The following TF variants were observed in gnomAD, a reference collection of about 807,000 sequenced individuals.
The protein encoded by TF is transferrin.
TF carries 55 observed loss-of-function variants against 82.4 expected under a neutral mutation model. The ratio of observed to expected loss-of-function variants is 0.67; its 90% confidence interval spans 0.54 to 0.84. The LOEUF is 0.84. Ranked by LOEUF, TF falls within the 40% of genes least tolerant of loss-of-function variation. The pLI is 0.00. For synonymous variants in TF, 332 were observed against 332.6 expected, an observed-to-expected ratio of 1.00 and a Z score of 0.02; for missense variants, 737 against 868.4, an observed-to-expected ratio of 0.85 and a Z score of 1.90.
At chr3:133,702,819 A>G in the TF span, among the ~76,000 whole-genome samples, 1 of 152,168 alleles carries the variant, frequency 6.6e-6, no homozygotes, top group Non-Finnish European at 1.5e-5. Context: ...GAAGACCCTC[A>G]TCTTGGTAAA....
chr3:133,715,874 G>T, the TF span, among the ~76,000 whole-genome samples: 1 of 152,148 alleles, frequency 6.6e-6, no homozygotes, highest in Admixed American at 6.5e-5. Flanking sequence ...TTGCTAAATC[G>T]AAAGGCCAGT....
In TF at chr3:133,777,315, G is replaced by C. The variant is rs376023830; in HGVS notation, c.2062+77G>C. ...GCTGGGATGGTGGGTGGGTACAGGA[G>C]GGGTAGGCTGTGGCCCTTGGGATAG... On this transcript the variant is annotated intron_variant, in intron 16 of 16. Transcript: ENST00000402696. 8.9e-6 allele frequency: 13 copies of C among 1,458,116 alleles called. No homozygotes were observed. In the African/African-American group the frequency reaches 1.5e-4, roughly 17 times the overall value. The allele number at this position is 1,458,116 out of a possible 1,614,324, so 90.3% of individuals were successfully genotyped here. A position where few individuals can be genotyped will look rare whatever the true frequency, so the allele number is the denominator to read the frequency against.
the TF span, among the ~76,000 whole-genome samples, chr3:133,719,853 CT>C: frequency 1.3e-5 from 2 of 151,920 alleles, no homozygotes; most frequent in African/African-American, 4.8e-5. Flanking sequence ...TCCTAGTTAT[CT>C]TTTTTGGTAG....
chr3:133,729,167 G>T, the TF span, among the ~76,000 whole-genome samples: 1 of 152,210 alleles, frequency 6.6e-6, no homozygotes, highest in Non-Finnish European at 1.5e-5. Flanking sequence ...CGTGCTGGGA[G>T]AACCACTGCT....
the TF span, among the ~76,000 whole-genome samples, chr3:133,729,782 T>C: frequency 6.6e-6 from 1 of 152,160 alleles, no homozygotes; most frequent in Non-Finnish European, 1.5e-5. Flanking sequence ...ACTGGAGCTG[T>C]TCCTATTCGG....
At chr3:133,756,584 A>C (rs1933840205) in intron 6 of TF, among the ~76,000 whole-genome samples, 1 of 152,008 alleles carries the variant, frequency 6.6e-6, no homozygotes, top group Non-Finnish European at 1.5e-5. Context: ...ATAACCAAAG[A>C]CTGGGGGTTG....
chr3:133,709,579 A>G, the TF span: 1 of 169,590 alleles, frequency 5.9e-6, no homozygotes, highest in Non-Finnish European at 1.3e-5. Flanking sequence ...CTTTGAGGCA[A>G]GAAGTCCTGC....
chr3:133,706,751 T>A, the TF span, among the ~76,000 whole-genome samples: 1 of 152,140 alleles, frequency 6.6e-6, no homozygotes, highest in African/African-American at 2.4e-5. Context: ...GTGGTCTCTG[T>A]CCCCTGCTGA....
chr3:133,695,998 G>A, the TF span, among the ~76,000 whole-genome samples: 1 of 152,214 alleles, frequency 6.6e-6, no homozygotes, highest in Non-Finnish European at 1.5e-5. Context: ...TAACACTTGT[G>A]AATTGCTTAT....
chr3:133,678,863 T>G, the TF span, among the ~76,000 whole-genome samples: 1 of 151,382 alleles, frequency 6.6e-6, no homozygotes, highest in Non-Finnish European at 1.5e-5. Context: ...TTTGTTTTGT[T>G]TTGTTTTGTT....
At chr3:133,706,665 C>T in the TF span, among the ~76,000 whole-genome samples, 1 of 152,122 alleles carries the variant, frequency 6.6e-6, no homozygotes, top group Non-Finnish European at 1.5e-5. Context: ...CAAGTGCATA[C>T]TTGGGTTTAG....
intron 13 of TF, 70 bp downstream of exon 13, chr3:133,768,234 G>A: frequency 6.3e-7 from 1 of 1,585,782 alleles, no homozygotes; most frequent in Non-Finnish European, 8.6e-7. Context: ...TAGGAACTAA[G>A]GTAAGATTCT....
the TF span, among the ~76,000 whole-genome samples, chr3:133,691,483 G>A: frequency 3.3e-5 from 5 of 152,188 alleles, no homozygotes; most frequent in Admixed American, 1.3e-4. Context: ...AGTTTGTCAC[G>A]TGGTTGATAA....
At chr3:133,704,172 T>C in the TF span, 1 of 203,254 alleles carries the variant, frequency 4.9e-6, no homozygotes, top group East Asian at 1.1e-4. Context: ...CCTCTGAGGG[T>C]CAGAGGCCCA....
At chr3:133,712,093 T>A in the TF span, among the ~76,000 whole-genome samples, 2 of 152,182 alleles carry the variant, frequency 1.3e-5, no homozygotes, top group Admixed American at 6.5e-5. Flanking sequence ...TGGAACCCTA[T>A]AATTTTTTCC....
At chr3:133,756,558 C>T (rs1261463535) in intron 6 of TF, among the ~76,000 whole-genome samples, 1 of 152,140 alleles carries the variant, frequency 6.6e-6, no homozygotes, top group African/African-American at 2.4e-5. Flanking sequence ...GCCTCTGCCT[C>T]TGGGGTAGTG....
the TF span, among the ~76,000 whole-genome samples, chr3:133,715,689 G>A: frequency 6.6e-6 from 1 of 152,080 alleles, no homozygotes; most frequent in Non-Finnish European, 1.5e-5. Flanking sequence ...CCCAGTTTAA[G>A]AATCTGTTCA....
At chr3:133,691,440 T>G in the TF span, among the ~76,000 whole-genome samples, 1 of 152,192 alleles carries the variant, frequency 6.6e-6, no homozygotes, top group Admixed American at 6.5e-5. Flanking sequence ...TCATGGAGCT[T>G]ACATTCCAAA....
the TF span, among the ~76,000 whole-genome samples, chr3:133,705,515 C>A: frequency 6.6e-6 from 1 of 152,202 alleles, no homozygotes; most frequent in Non-Finnish European, 1.5e-5. Context: ...TCTTTGCCTG[C>A]ATCTGCTAGA....
Sources: allele counts gnomAD v4.1 joint callset (sites outside exome capture counted in the v4.1 genomes callset), GRCh38; gene constraint gnomAD v4.1.1; transcripts MANE v1.5; gene names NCBI Gene and HGNC (gene_info 2026-07-23, HGNC 2026-07-21).